The following RPS6KA2 variants were observed in gnomAD, a reference collection of about 807,000 sequenced individuals.
RPS6KA2 encodes the protein ribosomal protein S6 kinase alpha-2.
Under a neutral mutation model 91.8 loss-of-function variants are expected in RPS6KA2, and 42 were observed. The observed-to-expected ratio is 0.46, with a 90% CI of 0.36 to 0.59. RPS6KA2 has a LOEUF of 0.59. Ranked by LOEUF, RPS6KA2 falls within the 20% of genes least tolerant of loss-of-function variation. The probability of loss-of-function intolerance (pLI) is 0.00; values close to 1 mark genes in which losing one functional copy is unlikely to be tolerated. For missense variants in RPS6KA2, 798 were observed against 978.5 expected, an observed-to-expected ratio of 0.82 and a Z score of 2.46; for synonymous variants, 414 against 393.6, an observed-to-expected ratio of 1.05 and a Z score of -0.61.
intron 1 of RPS6KA2, among the ~76,000 whole-genome samples, chr6:166,587,916 CCTCA>C (rs757900940): frequency 2.0e-5 from 3 of 152,284 alleles, no homozygotes; most frequent in Non-Finnish European, 2.9e-5. Flanking sequence ...CCTGCGCCCT[CCTCA>C]CTCACTCAGG....
chr6:166,629,161 C>T (rs985999204), upstream of RPS6KA2, among the ~76,000 whole-genome samples: 3 of 152,178 alleles, frequency 2.0e-5, no homozygotes, highest in Non-Finnish European at 2.9e-5. Context: ...ACACAGACTC[C>T]GGGAATGAGG....
At chr6:166,719,338 C>T (rs1019927641) in intron 2 of RPS6KA2, among the ~76,000 whole-genome samples, 9 of 152,214 alleles carry the variant, frequency 5.9e-5, no homozygotes, top group Admixed American at 2.0e-4. Flanking sequence ...GAATTTCATA[C>T]AATTTTTATG....
intron 2 of RPS6KA2, among the ~76,000 whole-genome samples, chr6:166,741,543 C>G (rs1337473678): frequency 2.6e-5 from 4 of 152,240 alleles, no homozygotes; most frequent in Non-Finnish European, 4.4e-5. Flanking sequence ...TTAACAGCCT[C>G]TAATTACAGA....
At chr6:166,710,131 T>G (rs1387287605) in intron 2 of RPS6KA2, among the ~76,000 whole-genome samples, 1 of 152,212 alleles carries the variant, frequency 6.6e-6, no homozygotes, top group Admixed American at 6.5e-5. Flanking sequence ...ATCTCATAGT[T>G]TACCTTTGTA....
chr6:166,752,093 G>T (rs886751619), intron 2 of RPS6KA2, among the ~76,000 whole-genome samples: 1 of 152,230 alleles, frequency 6.6e-6, no homozygotes, highest in Non-Finnish European at 1.5e-5. Flanking sequence ...AATGTCTCAT[G>T]TGCATTTGTT....
chr6:166,456,278 G>C (rs917061821), intron 12 of RPS6KA2, among the ~76,000 whole-genome samples: 3 of 152,200 alleles, frequency 2.0e-5, no homozygotes, highest in Non-Finnish European at 2.9e-5. Context: ...GGTCGGTGTG[G>C]CTAGCTAGTA....
intron 3 of RPS6KA2, among the ~76,000 whole-genome samples, chr6:166,530,049 G>A (rs1338964867): frequency 2.0e-5 from 3 of 152,212 alleles, no homozygotes; most frequent in Non-Finnish European, 4.4e-5. Context: ...GTTGGTGACA[G>A]GTCCTTCCCA....
chr6:166,748,597 C>T (rs1315997214), intron 2 of RPS6KA2, among the ~76,000 whole-genome samples: 2 of 85,212 alleles, frequency 2.3e-5, no homozygotes, highest in South Asian at 5.0e-4. Flanking sequence ...CCCATTTCCT[C>T]AGGCCCCCAT....
In RPS6KA2 at chr6:166,770,715, T is replaced by C; in HGVS notation, c.123+87485A>G. ...CATTTTCCTGTGGAGTGGTCCAGCC[T>C]TCTAAAAGCTCTTCGCACCTTGCCT... On this transcript the variant is annotated intron_variant, in intron 2 of 21. Transcript: ENST00000503859. This position sits in a 1 kb window ranked among gnomAD's most constrained non-coding sequence, Gnocchi z 5.1. 1.4e-6 allele frequency: 1 copy of C among 723,616 alleles called. No homozygotes were observed. Among genetic ancestry groups the C allele is most frequent in the Non-Finnish European group, 2.3e-6 (1 of 442,974 alleles). The allele number at this position is 723,616 out of a possible 1,614,324, so 44.8% of individuals were successfully genotyped here. A position where few individuals can be genotyped will look rare whatever the true frequency, so the allele number is the denominator to read the frequency against.
rs1184683638 is a variant in RPS6KA2, at chr6:166,418,406, AGTTGATATCACCCCTTGGCT to A, written c.1821-84_1821-65del. On this transcript the variant is annotated intron_variant, in intron 18 of 20. Transcript: ENST00000265678. This position sits in a 1 kb window ranked among gnomAD's most constrained non-coding sequence, Gnocchi z 4.9. ...TTTACAACCTAAAATAAAGTTTGCAAGTTGATATCACCCCTTGGCTGTTCAAAGGAATAGCACTTTGCTTC... is the reference window on the plus strand; with the variant it reads ...TTTACAACCTAAAATAAAGTTTGCAAGTTCAAAGGAATAGCACTTTGCTTC... 7 of 1,198,898 alleles carry A rather than the reference AGTTGATATCACCCCTTGGCT, an allele frequency of 5.8e-6. No homozygotes were observed. Among genetic ancestry groups the A allele is most frequent in the Non-Finnish European group, 8.7e-6 (7 of 804,880 alleles). The allele number at this position is 1,198,898 out of a possible 1,614,324, so 74.3% of individuals were successfully genotyped here. A position where few individuals can be genotyped will look rare whatever the true frequency, so the allele number is the denominator to read the frequency against.
chr6:166,450,506 G>A (rs1353119197), intron 13 of RPS6KA2, among the ~76,000 whole-genome samples: 3 of 149,432 alleles, frequency 2.0e-5, no homozygotes, highest in Admixed American at 6.6e-5. Flanking sequence ...ACCACCATGG[G>A]GACCACCAGA....
At chr6:166,570,356 G>T (rs1051566202) in intron 1 of RPS6KA2, among the ~76,000 whole-genome samples, 1 of 152,178 alleles carries the variant, frequency 6.6e-6, no homozygotes, top group Non-Finnish European at 1.5e-5. Context: ...TGTCCTGCAT[G>T]CCCCGAAGCT....
At chr6:166,640,817 G>T (rs10223606) in intron 2 of RPS6KA2, among the ~76,000 whole-genome samples, 7 of 149,318 alleles carry the variant, frequency 4.7e-5, no homozygotes, top group Non-Finnish European at 7.4e-5. Context: ...AGCAGGGTGT[G>T]GGGGGTCGGA....
chr6:166,773,659 C>G (rs1050271507), intron 2 of RPS6KA2, among the ~76,000 whole-genome samples: 1 of 152,162 alleles, frequency 6.6e-6, no homozygotes, highest in African/African-American at 2.4e-5. Context: ...TTTGGCCTCC[C>G]GAAACACTGG....
At chr6:166,475,403 C>T (rs563237335) in intron 10 of RPS6KA2, among the ~76,000 whole-genome samples, 1 of 152,340 alleles carries the variant, frequency 6.6e-6, no homozygotes, top group East Asian at 1.9e-4. Context: ...GGGGACATTG[C>T]AGAGTCACAC....
At chr6:166,524,817 G>A (rs951585230) in intron 3 of RPS6KA2, among the ~76,000 whole-genome samples, 7 of 152,180 alleles carry the variant, frequency 4.6e-5, no homozygotes, top group Non-Finnish European at 8.8e-5. Flanking sequence ...GCCAGGAGAG[G>A]CACCCCAAGA....
At chr6:166,524,828 T>A (rs1329243152) in intron 3 of RPS6KA2, among the ~76,000 whole-genome samples, 2 of 152,194 alleles carry the variant, frequency 1.3e-5, no homozygotes, top group East Asian at 3.8e-4. Context: ...CACCCCAAGA[T>A]GACACAGCTC....
At chr6:166,685,151 TATGG>T in intron 2 of RPS6KA2, among the ~76,000 whole-genome samples, 1 of 147,208 alleles carries the variant, frequency 6.8e-6, no homozygotes, top group Non-Finnish European at 1.5e-5. Flanking sequence ...CCTGATGGAG[TATGG>T]GTGGGTGTGC....
At chr6:166,784,837 CCG>C (rs1778889487) in intron 2 of RPS6KA2, among the ~76,000 whole-genome samples, 1 of 152,056 alleles carries the variant, frequency 6.6e-6, no homozygotes, top group Non-Finnish European at 1.5e-5. Context: ...AAGCATTCTA[CCG>C]AGTAAATTTA....
Sources: gnomAD v4.1 joint callset for allele counts (sites outside exome capture counted in the v4.1 genomes callset) on GRCh38, gnomAD v4.1.1 for gene constraint, Gnocchi (gnomAD v3.1) non-coding constraint, MANE v1.5 for transcripts, NCBI Gene and HGNC (gene_info 2026-07-23, HGNC 2026-07-21) for gene names.